Variants in ESRRB observed in about 807,000 individuals in gnomAD.
ESRRB encodes the protein steroid hormone receptor ERR2.
ESRRB carries 16 observed loss-of-function variants against 46.0 expected under a neutral mutation model. The observed-to-expected ratio is 0.35, with a 90% CI of 0.24 to 0.53. The LOEUF is 0.53. Ranked by LOEUF, ESRRB falls within the 20% of genes least tolerant of loss-of-function variation. The pLI is 0.93. For synonymous variants in ESRRB, 246 were observed against 259.6 expected, an observed-to-expected ratio of 0.95 and a Z score of 0.50; for missense variants, 488 against 607.4, an observed-to-expected ratio of 0.80 and a Z score of 2.07.
chr14:76,463,629 A>T (rs1406666694), intron 3 of ESRRB, among the ~76,000 whole-genome samples: 2 of 151,538 alleles, frequency 1.3e-5, no homozygotes, highest in African/African-American at 4.9e-5. Flanking sequence ...TTGTATTTTT[A>T]GTAGAGACGG....
At chr14:76,497,132 G>A (rs763015093) in intron 6 of ESRRB, among the ~76,000 whole-genome samples, 20 of 152,150 alleles carry the variant, frequency 1.3e-4, no homozygotes, top group Non-Finnish European at 2.4e-4. Flanking sequence ...AGCCATGTTA[G>A]GTACACACTC....
At chr14:76,458,454 ACACACACACACACACAAACACACACACAT>A (rs1888710064) in intron 2 of ESRRB, among the ~76,000 whole-genome samples, 3 of 100,502 alleles carry the variant, frequency 3.0e-5, no homozygotes, top group African/African-American at 1.1e-4. Flanking sequence ...ACACACACAC[ACACACACACACACACAAACACACACACAT>A]GCATGCAGGC....
chr14:76,370,024 T>A (rs989442726), upstream of ESRRB, among the ~76,000 whole-genome samples: 5 of 152,194 alleles, frequency 3.3e-5, no homozygotes, highest in Non-Finnish European at 7.3e-5. Flanking sequence ...AAGAGAACTT[T>A]TTCTTCTACC....
chr14:76,474,295 C>T (rs1306951598), intron 3 of ESRRB, among the ~76,000 whole-genome samples: 3 of 152,152 alleles, frequency 2.0e-5, no homozygotes, highest in Non-Finnish European at 4.4e-5. Flanking sequence ...CTACTGAGTG[C>T]CTACTGTGTA....
At chr14:76,392,199 C>T (rs543152189) in intron 1 of ESRRB, among the ~76,000 whole-genome samples, 1 of 152,280 alleles carries the variant, frequency 6.6e-6, no homozygotes, top group African/African-American at 2.4e-5. Flanking sequence ...AGAGACACTG[C>T]GGCCCTGTGT....
At chr14:76,355,788 C>G (rs1032309875) in intron 1 of ESRRB, among the ~76,000 whole-genome samples, 1 of 152,150 alleles carries the variant, frequency 6.6e-6, no homozygotes, top group Non-Finnish European at 1.5e-5. Context: ...GGGAATCATT[C>G]GATGTTAGTT....
At chr14:76,466,569 A>G (rs1889119698) in intron 3 of ESRRB, among the ~76,000 whole-genome samples, 1 of 152,184 alleles carries the variant, frequency 6.6e-6, no homozygotes, top group Non-Finnish European at 1.5e-5. Context: ...CCAAAGGCCT[A>G]TCTTGCTTTA....
intron 1 of ESRRB, among the ~76,000 whole-genome samples, chr14:76,433,423 G>A (rs1408494589): frequency 1.3e-5 from 2 of 152,144 alleles, no homozygotes; most frequent in African/African-American, 2.4e-5. Context: ...GGCCAACTGG[G>A]AGGTATCGAT....
chr14:76,495,180 C>T (rs1218557330), intron 6 of ESRRB, among the ~76,000 whole-genome samples: 1 of 152,088 alleles, frequency 6.6e-6, no homozygotes, highest in Non-Finnish European at 1.5e-5. Context: ...ACCTGAGGAC[C>T]CGTGGAGGTT....
Position 76,317,113 on chromosome 14 carries a change from C to T in ESRRB, c.2+6197C>T, listed in dbSNP as rs1017135729. ...CAAGTTATGAACATCATTTTGGGTA[C>T]GGGATTCTTCCCACAACAGTTTTTC... On this transcript the variant is annotated intron_variant, in intron 1 of 6. Transcript: ENST00000512784. Among the ~76,000 whole-genome samples, 6 of 151,978 alleles carry T rather than the reference C, an allele frequency of 3.9e-5. No homozygotes were observed. The East Asian group carries it at 5.8e-4, about 15-fold the overall frequency.
chr14:76,392,023 A>T (rs1295462108), intron 1 of ESRRB, among the ~76,000 whole-genome samples: 3 of 152,192 alleles, frequency 2.0e-5, no homozygotes, highest in Non-Finnish European at 4.4e-5. Context: ...TCTGCTGGCA[A>T]CATCCCTGCA....
chr14:76,390,355 G>T (rs1042949400), intron 1 of ESRRB, among the ~76,000 whole-genome samples: 1 of 152,274 alleles, frequency 6.6e-6, no homozygotes, highest in Admixed American at 6.5e-5. Context: ...CAGGCGTGGT[G>T]GTGGGCACCT....
At chr14:76,379,736 C>T (rs1331934154) in intron 1 of ESRRB, among the ~76,000 whole-genome samples, 1 of 152,074 alleles carries the variant, frequency 6.6e-6, no homozygotes, top group East Asian at 1.9e-4. Context: ...CCCTTTCCAG[C>T]TCAGTGAGAT....
intron 1 of ESRRB, among the ~76,000 whole-genome samples, chr14:76,337,683 G>A (rs1224688654): frequency 6.6e-6 from 1 of 152,220 alleles, no homozygotes; most frequent in Non-Finnish European, 1.5e-5. Context: ...GGTTCCCACA[G>A]TTGTCCTAGG....
At chr14:76,491,298 C>T (rs1357516728) in intron 5 of ESRRB, 149 bp from the exon 6 acceptor site, 2 of 724,678 alleles carry the variant, frequency 2.8e-6, no homozygotes, top group South Asian at 1.8e-5. Context: ...TTACGCTACA[C>T]AGGGAAAGCC....
At chr14:76,413,043 C>A (rs188634229) in intron 1 of ESRRB, among the ~76,000 whole-genome samples, 118 of 152,290 alleles carry the variant, frequency 7.7e-4, no homozygotes, top group African/African-American at 2.6e-3. Flanking sequence ...AGCTGAGTAA[C>A]TGGTCATTTT....
chr14:76,344,213 G>A (rs2139754036), intron 1 of ESRRB, among the ~76,000 whole-genome samples: 1 of 152,358 alleles, frequency 6.6e-6, no homozygotes, highest in East Asian at 1.9e-4. Context: ...TGCCTGGCAT[G>A]TGTTATGTGC....
intron 1 of ESRRB, among the ~76,000 whole-genome samples, chr14:76,421,377 T>C: frequency 6.6e-6 from 1 of 152,216 alleles, no homozygotes; most frequent in Non-Finnish European, 1.5e-5. Flanking sequence ...CATGTATAAA[T>C]TAGGATGAAA....
At chr14:76,494,483 T>A (rs992775737) in intron 6 of ESRRB, among the ~76,000 whole-genome samples, 1 of 151,972 alleles carries the variant, frequency 6.6e-6, no homozygotes, top group African/African-American at 2.4e-5. Flanking sequence ...ATTTTTGTAT[T>A]TTTAGTAGAG....
Sources: gnomAD v4.1 joint callset for allele counts (sites outside exome capture counted in the v4.1 genomes callset) on GRCh38, gnomAD v4.1.1 for gene constraint, MANE v1.5 for transcripts, NCBI Gene and HGNC (gene_info 2026-07-23, HGNC 2026-07-21) for gene names.